The following DLG2 variants were observed in gnomAD, a reference collection of about 807,000 sequenced individuals.
The protein encoded by DLG2 is disks large homolog 2.
A neutral mutation model predicts 132.5 loss-of-function variants in DLG2; 45 were observed. The ratio of observed to expected loss-of-function variants is 0.34; its 90% CI spans 0.27 to 0.44. The LOEUF (loss-of-function observed/expected upper bound fraction) is 0.44. Among genes scored for constraint, DLG2 ranks in the 20% least tolerant of loss-of-function variants. The pLI, the probability that DLG2 is intolerant of heterozygous loss-of-function variation, is 1.00. For synonymous variants in DLG2, 424 were observed against 419.6 expected (o/e 1.01, Z -0.13); for missense variants, 1,045 against 1,196.9 (o/e 0.87, Z 1.87).
chr11:84,943,040 C>A (rs1219924271), intron 6 of DLG2, among the ~76,000 whole-genome samples: 1 of 151,968 alleles, frequency 6.6e-6, no homozygotes, highest in Non-Finnish European at 1.5e-5. Flanking sequence ...TATAGTGACT[C>A]CTGCTCTTTT....
At chr11:85,471,948 G>T (rs2092996980) in intron 3 of DLG2, among the ~76,000 whole-genome samples, 1 of 152,148 alleles carries the variant, frequency 6.6e-6, no homozygotes, top group African/African-American at 2.4e-5. Context: ...GAACCATAAT[G>T]TGACTTTTAG....
chr11:84,395,415 T>A (rs927054622), intron 7 of DLG2, among the ~76,000 whole-genome samples: 1 of 152,144 alleles, frequency 6.6e-6, no homozygotes, highest in Admixed American at 6.5e-5. Context: ...TTCTTTCTTC[T>A]TTTGCTTTTT....
At chr11:84,962,506 A>C (rs1181980664) in intron 6 of DLG2, among the ~76,000 whole-genome samples, 2 of 152,208 alleles carry the variant, frequency 1.3e-5, no homozygotes, top group African/African-American at 4.8e-5. Context: ...TATGAAGATC[A>C]CCTGAAATCT....
chr11:83,872,920 G>A (rs1451998068), intron 16 of DLG2, among the ~76,000 whole-genome samples: 1 of 152,136 alleles, frequency 6.6e-6, no homozygotes, highest in Non-Finnish European at 1.5e-5. Context: ...CAGCTACATA[G>A]TATGCACATG....
chr11:84,756,684 G>C (rs1345364633), intron 6 of DLG2, among the ~76,000 whole-genome samples: 1 of 152,128 alleles, frequency 6.6e-6, no homozygotes, highest in Non-Finnish European at 1.5e-5. Context: ...AGTAAACCAA[G>C]CTTGTCCAAC....
chr11:83,885,037 C>A lies in DLG2; in HGVS notation c.1497-10549G>T, dbSNP rs532945930. Among the ~76,000 whole-genome samples the A allele has an allele frequency of 4.2e-3, 643 of 151,626 alleles. 7 individuals are homozygous for A. The highest frequency in any genetic ancestry group is 0.014 in the African/African-American group (583 of 41,304). ...AAACTGGAAACTCTAAAAAGCAGAG[C>A]GCCTCTCCTCCTCCAAAGGAACGCA... On this transcript the variant is annotated intron_variant, in intron 15 of 27. Transcript: ENST00000376104.
chr11:83,473,614 G>T (rs917367648), intron 22 of DLG2, among the ~76,000 whole-genome samples: 15 of 150,444 alleles, frequency 1.0e-4, no homozygotes, highest in Non-Finnish European at 1.8e-4. Context: ...ATTTTTTTTT[G>T]CATTGACTAA....
intron 15 of DLG2, among the ~76,000 whole-genome samples, chr11:83,902,518 G>C (rs2154100258): frequency 6.6e-6 from 1 of 152,280 alleles, no homozygotes; most frequent in Non-Finnish European, 1.5e-5. Context: ...AGATCAGAAT[G>C]ATAAGTGATT....
intron 11 of DLG2, among the ~76,000 whole-genome samples, chr11:84,017,344 G>A (rs1208581709): frequency 2.0e-5 from 3 of 151,968 alleles, no homozygotes; most frequent in African/African-American, 7.2e-5. Context: ...ACTCATAGAG[G>A]ATTTTGAAAC....
intron 6 of DLG2, among the ~76,000 whole-genome samples, chr11:85,075,174 C>T (rs771015847): frequency 8.7e-4 from 132 of 151,958 alleles, no homozygotes; most frequent in Middle Eastern, 6.8e-3. Flanking sequence ...AATCGTGGTG[C>T]ATATATGAGG....
intron 7 of DLG2, among the ~76,000 whole-genome samples, chr11:84,526,069 C>T (rs534813932): frequency 6.6e-5 from 10 of 152,086 alleles, no homozygotes; most frequent in African/African-American, 2.2e-4. Flanking sequence ...CTTTATTGTA[C>T]GCTCCAAAAG....
rs545088286 is a variant in DLG2, at chr11:84,680,228, G to C, written c.358-145497C>G. Among the ~76,000 whole-genome samples, 5 of 152,182 alleles carry C rather than the reference G, an allele frequency of 3.3e-5. No individual in the cohort carries two copies. The South Asian group carries it at 1.0e-3, about 32-fold the overall frequency. On this transcript the variant is annotated intron_variant, in intron 6 of 27. Transcript: ENST00000376104. ...GCAGAACACTCCAATCATCTTCAAA[G>C]CTGTTTCTTGAAGCTGTTTTCACCA...
chr11:84,833,191 C>G (rs2079263481), intron 6 of DLG2, among the ~76,000 whole-genome samples: 1 of 151,508 alleles, frequency 6.6e-6, no homozygotes, highest in Admixed American at 6.6e-5. Context: ...TTCCTCCATG[C>G]CACAGAGTGC....
chr11:84,365,891 A>T (rs2154425672), intron 7 of DLG2, among the ~76,000 whole-genome samples: 1 of 152,222 alleles, frequency 6.6e-6, no homozygotes, highest in East Asian at 1.9e-4. Flanking sequence ...AACACTCTGC[A>T]GGATATTATC....
upstream of DLG2, among the ~76,000 whole-genome samples, chr11:85,628,140 G>A (rs1003244460): frequency 1.3e-5 from 2 of 152,186 alleles, no homozygotes; most frequent in Admixed American, 6.5e-5. Context: ...GGCGCTGGGC[G>A]GCTGGTCCGG....
chr11:85,451,886 T>C (rs766307523), intron 3 of DLG2, among the ~76,000 whole-genome samples: 2 of 152,212 alleles, frequency 1.3e-5, no homozygotes, highest in Non-Finnish European at 2.9e-5. Context: ...TGCTCTGTCA[T>C]GGAAATTGAG....
At chr11:85,579,760 C>G (rs1410418166) in intron 3 of DLG2, among the ~76,000 whole-genome samples, 2 of 152,104 alleles carry the variant, frequency 1.3e-5, no homozygotes, top group Non-Finnish European at 2.9e-5. Flanking sequence ...AGTCTCAGCT[C>G]ACTGTAACCT....
chr11:83,635,877 C>T (rs116971698), intron 18 of DLG2, among the ~76,000 whole-genome samples: 4,625 of 152,182 alleles, frequency 0.03, 107 homozygotes, highest in Non-Finnish European at 0.047. Flanking sequence ...TAGCAGAGCA[C>T]CAGAAGTGGG....
intron 2 of DLG2, among the ~76,000 whole-genome samples, chr11:85,621,935 C>T (rs1177556434): frequency 6.6e-6 from 1 of 152,194 alleles, no homozygotes; most frequent in South Asian, 2.1e-4. Context: ...AACAGCATCT[C>T]ATGCTACAGA....
Sources: gnomAD v4.1 joint callset for allele counts (sites outside exome capture counted in the v4.1 genomes callset) on GRCh38, gnomAD v4.1.1 for gene constraint, MANE v1.5 for transcripts, NCBI Gene and HGNC (gene_info 2026-07-23, HGNC 2026-07-21) for gene names.